Variants in GPHN observed in about 807,000 individuals in gnomAD.
GPHN encodes the protein gephyrin.
Under a neutral mutation model 95.5 loss-of-function variants are expected in GPHN, and 17 were observed. The ratio of observed to expected loss-of-function variants is 0.18; its 90% CI spans 0.12 to 0.27. GPHN has a LOEUF of 0.27. Among genes scored for constraint, GPHN ranks in the 10% least tolerant of loss-of-function variants. The pLI is 1.00. For synonymous variants in GPHN, 320 were observed against 322.5 expected, an observed-to-expected ratio of 0.99 and a Z score of 0.08; for missense variants, 660 against 978.1, an observed-to-expected ratio of 0.67 and a Z score of 4.34.
intron 1 of GPHN, among the ~76,000 whole-genome samples, chr14:66,648,993 C>G (rs202117048): frequency 6.6e-6 from 1 of 152,176 alleles, no homozygotes; most frequent in East Asian, 1.9e-4. Context: ...TGATCTTACC[C>G]CTAAACTTTA....
intron 1 of GPHN, among the ~76,000 whole-genome samples, chr14:66,648,406 C>T (rs1460141747): frequency 6.6e-6 from 1 of 152,062 alleles, no homozygotes; most frequent in Non-Finnish European, 1.5e-5. Flanking sequence ...GAAAATACCA[C>T]CAATGGTAAT....
At chr14:66,521,682 A>G (rs1343794107) in intron 1 of GPHN, among the ~76,000 whole-genome samples, 1 of 152,012 alleles carries the variant, frequency 6.6e-6, no homozygotes, top group Admixed American at 6.6e-5. Context: ...TTATGAGGGC[A>G]CTAATCCCAT....
intron 1 of GPHN, among the ~76,000 whole-genome samples, chr14:66,679,750 AGT>A (rs2153393957): frequency 6.6e-6 from 1 of 152,316 alleles, no homozygotes; most frequent in South Asian, 2.1e-4. Context: ...AATTGCAGAT[AGT>A]GTGTTTTTCA....
At chr14:66,917,455 A>G (rs371839605) in intron 6 of GPHN, among the ~76,000 whole-genome samples, 3 of 152,190 alleles carry the variant, frequency 2.0e-5, no homozygotes, top group African/African-American at 7.2e-5. Context: ...CCAATGCAGT[A>G]TTATTTCCCT....
intron 13 of GPHN, among the ~76,000 whole-genome samples, chr14:67,107,992 T>C (rs1347125741): frequency 6.6e-6 from 1 of 152,192 alleles, no homozygotes; most frequent in Non-Finnish European, 1.5e-5. Flanking sequence ...CAACATACTT[T>C]CTAAGCCTTG....
Position 66,742,531 on chromosome 14 carries a change from C to A in GPHN, c.144-33933C>A, listed in dbSNP as rs544332683. 5.3e-5 allele frequency among the ~76,000 whole-genome samples: 8 copies of A among 152,100 alleles called. No homozygotes were observed. The South Asian group carries it at 1.7e-3, about 32-fold the overall frequency. On this transcript the variant is annotated intron_variant, in intron 2 of 22. Coordinates refer to ENST00000478722, the MANE Select transcript of GPHN (RefSeq NM_020806.5). ...GTTGATTTTTTTCACTGTTCAATAT[C>A]CCACCCCCATAGTAGAATTGATTTT...
At chr14:66,779,982 A>C (rs186813303) in intron 3 of GPHN, among the ~76,000 whole-genome samples, 47 of 152,274 alleles carry the variant, frequency 3.1e-4, no homozygotes, top group Middle Eastern at 3.4e-3. Context: ...ACCTGAACTC[A>C]AGCAGTGACA....
intron 13 of GPHN, among the ~76,000 whole-genome samples, chr14:67,108,039 AAAG>A (rs1464767472): frequency 6.6e-6 from 1 of 152,224 alleles, no homozygotes; most frequent in Non-Finnish European, 1.5e-5. Flanking sequence ...AAGGATGATT[AAAG>A]AAGATTAGAA....
intron 1 of GPHN, among the ~76,000 whole-genome samples, chr14:66,571,946 G>A (rs1004168027): frequency 6.6e-6 from 1 of 152,210 alleles, no homozygotes. Flanking sequence ...GAGTTGATTT[G>A]TATATGACGT....
intron 18 of GPHN, among the ~76,000 whole-genome samples, chr14:67,153,547 T>C (rs2081404499): frequency 6.6e-6 from 1 of 152,098 alleles, no homozygotes; most frequent in African/African-American, 2.4e-5. Flanking sequence ...CACCATCACA[T>C]TGGGATTGGA....
chr14:67,646,833 C>G, the GPHN span: 2 of 1,402,776 alleles, frequency 1.4e-6, no homozygotes, highest in East Asian at 2.3e-5. Flanking sequence ...TTGCAGGTCA[C>G]TACAACAAAC....
intron 2 of GPHN, among the ~76,000 whole-genome samples, chr14:66,690,237 TTTTCA>T (rs2067682004): frequency 6.6e-6 from 1 of 152,152 alleles, no homozygotes. Context: ...TGTGTTTCTC[TTTTCA>T]TTTGTTTCAA....
chr14:66,970,008 A>G (rs1269275743), intron 9 of GPHN, among the ~76,000 whole-genome samples: 2 of 151,542 alleles, frequency 1.3e-5, no homozygotes, highest in African/African-American at 2.4e-5. Context: ...GTAAGTAAAT[A>G]TAGTCTATAG....
the GPHN span, among the ~76,000 whole-genome samples, chr14:67,693,770 G>A: frequency 4.6e-5 from 7 of 151,196 alleles, no homozygotes; most frequent in Non-Finnish European, 7.4e-5. Context: ...AGGTTCAAGC[G>A]ATTCTCATCC....
At chr14:66,577,008 T>C (rs1429421040) in intron 1 of GPHN, among the ~76,000 whole-genome samples, 1 of 152,202 alleles carries the variant, frequency 6.6e-6, no homozygotes, top group Non-Finnish European at 1.5e-5. Flanking sequence ...TGATAAGCAG[T>C]TGGACATTGA....
At chr14:67,188,228 A>T in the GPHN span, among the ~76,000 whole-genome samples, 1 of 152,180 alleles carries the variant, frequency 6.6e-6, no homozygotes, top group Non-Finnish European at 1.5e-5. Context: ...CAGACTTACA[A>T]TCTCCAAATG....
At chr14:66,511,148 A>G (rs1272724767) in intron 1 of GPHN, among the ~76,000 whole-genome samples, 1 of 152,190 alleles carries the variant, frequency 6.6e-6, no homozygotes, top group East Asian at 1.9e-4. Flanking sequence ...AGTGGGTTTC[A>G]TTATCAACAG....
the GPHN span, among the ~76,000 whole-genome samples, chr14:67,331,779 G>T: frequency 1.2e-4 from 19 of 152,156 alleles, no homozygotes; most frequent in Non-Finnish European, 2.8e-4. Context: ...TCAGTTCTCT[G>T]TGGAGTCCTA....
At chr14:66,829,433 G>T (rs1244383494) in intron 4 of GPHN, among the ~76,000 whole-genome samples, 1 of 151,900 alleles carries the variant, frequency 6.6e-6, no homozygotes, top group Non-Finnish European at 1.5e-5. Flanking sequence ...TAATTCATTG[G>T]CACTAGTGAA....
Sources: gnomAD v4.1 joint callset for allele counts (sites outside exome capture counted in the v4.1 genomes callset) on GRCh38, gnomAD v4.1.1 for gene constraint, MANE v1.5 for transcripts, NCBI Gene and HGNC (gene_info 2026-07-23, HGNC 2026-07-21) for gene names.